Variants in INO80E observed in about 807,000 individuals in gnomAD.
The protein encoded by INO80E is INO80 complex subunit E.
A neutral mutation model predicts 27.3 loss-of-function variants in INO80E; 20 were observed. The ratio of observed to expected loss-of-function variants is 0.73; its 90% CI spans 0.51 to 1.06. The LOEUF is 1.06. INO80E is among the 50% of genes least tolerant of loss of function. The pLI, the probability that INO80E is intolerant of heterozygous loss-of-function variation, is 0.00. For missense variants in INO80E, 357 were observed against 322.8 expected, an observed-to-expected ratio of 1.11 and a Z score of -0.81; for synonymous variants, 167 against 145.9, an observed-to-expected ratio of 1.14 and a Z score of -1.04.
rs138121232 is a variant in INO80E, at chr16:29,999,472, G to A, written c.206-1286G>A. ...AGCACAGTGTGAGGGCAGCCATGAC[G>A]AGAGTAGAGCGTTCCAGGAGAGCCT... On this transcript the variant is annotated intron_variant, in intron 3 of 6. Coordinates refer to ENST00000563197, the MANE Select transcript of INO80E (RefSeq NM_173618.3). 5 of 152,404 alleles carry A rather than the reference G, an allele frequency of 3.3e-5. No homozygotes were observed. The East Asian group carries it at 7.7e-4, about 24-fold the overall frequency. 9.4% of individuals were successfully genotyped at this position (152,404 alleles called of 1,614,324 possible). A position where few individuals can be genotyped will look rare whatever the true frequency, so the allele number is the denominator to read the frequency against.
intron 5 of INO80E, 64 bp downstream of exon 5, chr16:30,001,104 C>T: frequency 6.7e-7 from 1 of 1,490,294 alleles, no homozygotes; most frequent in Non-Finnish European, 9.0e-7. Context: ...GGCAGAAGGG[C>T]TGGGCCTCGG....
At chr16:30,001,559 G>A (rs141035717) in intron 6 of INO80E, 29 bp downstream of exon 6, 172 of 1,590,558 alleles carry the variant, frequency 1.1e-4, no homozygotes, top group Non-Finnish European at 1.4e-4. Context: ...GCTAGGGAGG[G>A]GCAGGACGGC....
At position 29,996,390 on chromosome 16, in the gene INO80E, A is replaced by T; in HGVS notation, c.80A>T (p.Tyr27Phe). The change falls in exon 1 of 7, where the codon TAC becomes TTC. Residue 27 changes from tyrosine (Y) to phenylalanine (F), a missense_variant and splice_region_variant. Transcript: ENST00000563197. Reference protein sequence around the residue: ...NLKRKLKFLIYEHECFQEELR... With the variant: ...NLKRKLKFLIFEHECFQEELR... ...AAGCGGAAGCTCAAGTTCCTCATCT[A>T]CGTGAGTGCTGCCGCGGGAAGGCTG... 6.3e-7 allele frequency: 1 copy of T among 1,587,904 alleles called. No individual in the cohort carries two copies. Among genetic ancestry groups the T allele is most frequent in the Non-Finnish European group, 8.6e-7 (1 of 1,166,696 alleles).
intron 6 of INO80E, 102 bp from the exon 7 acceptor site, chr16:30,005,119 C>G (rs1324172708): frequency 7.7e-7 from 1 of 1,299,872 alleles, no homozygotes; most frequent in Non-Finnish European, 1.0e-6. Flanking sequence ...TGCCCAGGGC[C>G]TCTTCCCCCT....
chr16:30,000,345 C>T (rs1302764969), intron 3 of INO80E, among the ~76,000 whole-genome samples: 3 of 151,994 alleles, frequency 2.0e-5, no homozygotes, highest in Non-Finnish European at 2.9e-5. Context: ...GAGTCAGATT[C>T]CCCCGGGGCC....
At chr16:30,001,552 A>G (rs1443413746) in intron 6 of INO80E, 22 bp downstream of exon 6, 1 of 1,602,894 alleles carries the variant, frequency 6.2e-7, no homozygotes, top group Non-Finnish European at 8.5e-7. Context: ...TGGGGGTGCT[A>G]GGGAGGGGCA....
chr16:29,997,608 G>A (rs2070181263), intron 3 of INO80E, among the ~76,000 whole-genome samples: 1 of 152,078 alleles, frequency 6.6e-6, no homozygotes. Context: ...ACAAAAATTA[G>A]TCGGGTGTGG....
chr16:29,998,616 A>G (rs1000680812), intron 3 of INO80E, among the ~76,000 whole-genome samples: 1 of 152,178 alleles, frequency 6.6e-6, no homozygotes, highest in Non-Finnish European at 1.5e-5. Flanking sequence ...AAACCAATAA[A>G]TTGATTTCAT....
At chr16:30,002,872 G>A (rs2070400841) in intron 6 of INO80E, 1 of 152,386 alleles carries the variant, frequency 6.6e-6, no homozygotes, top group African/African-American at 2.4e-5. Context: ...GGCTCCCAGG[G>A]TTCTGGAGCC....
rs2150921301 is a variant in INO80E, at chr16:29,997,059, A to T, written c.205+199A>T. On this transcript the variant is annotated intron_variant, in intron 3 of 6. Transcript: ENST00000563197. ...TTGTGTTTCAGGCACTGTGCTTGGC[A>T]CAGGGGATACAGCAGAGGCAGAGAT... is the stretch of plus-strand genomic sequence containing the variant. Among the ~76,000 whole-genome samples, 2 of 152,344 alleles carry T rather than the reference A, an allele frequency of 1.3e-5. 1 individual carries two copies. Among genetic ancestry groups the T allele is most frequent in the South Asian group, 4.1e-4 (2 of 4,832 alleles).
rs758355351 is a variant in INO80E, at chr16:29,996,355, C to T, written c.45C>T (p.Tyr15=). Residue 15 remains tyrosine (Y), a synonymous_variant, in exon 1 of 7, where the codon TAC becomes TAT. Coordinates refer to ENST00000563197, the MANE Select transcript of INO80E (RefSeq NM_173618.3). ...GCGAAGTGGACTACAAAAAAAAATA[C>T]CGGAATCTGAAGCGGAAGCTCAAGT... ...ADGEVDYKKK[Y]RNLKRKLKFL... 7 of 1,599,922 alleles carry T rather than the reference C, an allele frequency of 4.4e-6. No homozygotes were observed. Among genetic ancestry groups the T allele is most frequent in the Non-Finnish European group, 5.1e-6 (6 of 1,173,304 alleles).
At chr16:29,999,587 A>G (rs1294331280) in intron 3 of INO80E, 3 of 152,260 alleles carry the variant, frequency 2.0e-5, no homozygotes, top group East Asian at 1.9e-4. Flanking sequence ...GAGCAGAGAC[A>G]TTGGTAACGG....
chr16:30,005,339 CCACGAT>C lies in INO80E; in HGVS notation c.634_639del (p.Thr212_Ile213del). 6.7e-7 allele frequency: 1 copy of C among 1,501,536 alleles called. No homozygotes were observed. The highest frequency in any genetic ancestry group is 2.8e-5 in the East Asian group (1 of 36,046). 93.0% of individuals were successfully genotyped at this position (1,501,536 alleles called of 1,614,324 possible). A position where few individuals can be genotyped will look rare whatever the true frequency, so the allele number is the denominator to read the frequency against. On this transcript the variant is annotated inframe_deletion, in exon 7 of 7. Transcript: ENST00000563197. The stretch of plus-strand genomic sequence containing the variant: ...CTCCCACCCCCTAAGATGCCCCCCC[CCACGAT>C]CCTGAGCACGGTCCCTCGGCAGATG...
At chr16:30,004,800 A>C (rs2070489521) in intron 6 of INO80E, 1 of 163,718 alleles carries the variant, frequency 6.1e-6, no homozygotes, top group Non-Finnish European at 1.3e-5. Flanking sequence ...CCTCCACCGA[A>C]CCAGTGAGTG....
chr16:30,002,275 G>C (rs1212702666), intron 6 of INO80E: 1 of 152,480 alleles, frequency 6.6e-6, no homozygotes, highest in Non-Finnish European at 1.5e-5. Flanking sequence ...AGAAAAGTAA[G>C]CAGGGAATTG....
intron 3 of INO80E, among the ~76,000 whole-genome samples, chr16:30,000,121 CAT>C (rs1179086552): frequency 2.0e-5 from 3 of 152,254 alleles, no homozygotes; most frequent in Non-Finnish European, 2.9e-5. Context: ...TCGGTGACCT[CAT>C]GTGACAAGTG....
chr16:29,996,518 GC>G (rs1341961038), intron 1 of INO80E, 28 bp from the exon 2 acceptor site: 3 of 1,555,532 alleles, frequency 1.9e-6, no homozygotes, highest in Non-Finnish European at 2.6e-6. Flanking sequence ...AGGACCGTTG[GC>G]CCAGCGCACC....
Position 30,005,360 on chromosome 16 carries a change from C to G in INO80E, c.653C>G (p.Pro218Arg). The stretch of plus-strand genomic sequence containing the variant: ...CCCCCCACGATCCTGAGCACGGTCC[C>G]TCGGCAGATGTTCAGCGATGCAGGT... ...MPPPTILSTV[P>R]RQMFSDAGSG... The change falls in exon 7 of 7, where the codon CCT becomes CGT. Residue 218 changes from proline to arginine, a missense_variant. Transcript: ENST00000563197. The G allele has an allele frequency of 7.4e-7, 1 of 1,354,436 alleles. No individual in the cohort carries two copies. The highest frequency in any genetic ancestry group is 9.8e-7 in the Non-Finnish European group (1 of 1,024,750). The allele number at this position is 1,354,436 out of a possible 1,614,324, so 83.9% of individuals were successfully genotyped here.
At chr16:29,996,744 A>AG (rs2070134348) in intron 2 of INO80E, 64 bp from the exon 3 acceptor site, 2 of 1,597,302 alleles carry the variant, frequency 1.3e-6, no homozygotes, top group Non-Finnish European at 1.7e-6. Flanking sequence ...TGGGAGGGAC[A>AG]GGTACCCAGG....
Sources: allele counts gnomAD v4.1 joint callset (sites outside exome capture counted in the v4.1 genomes callset), GRCh38; gene constraint gnomAD v4.1.1; transcripts MANE v1.5; gene names NCBI Gene and HGNC (gene_info 2026-07-23, HGNC 2026-07-21).